Variants in HNRNPH1 observed in about 807,000 individuals in gnomAD.
HNRNPH1 encodes heterogeneous nuclear ribonucleoprotein H1.
HNRNPH1 carries 4 observed loss-of-function variants against 58.6 expected under a neutral mutation model. The observed-to-expected ratio is 0.07, with a 90% confidence interval of 0.03 to 0.16. The LOEUF (loss-of-function observed/expected upper bound fraction) is 0.16. Among genes scored for constraint, HNRNPH1 ranks in the 10% least tolerant of loss-of-function variants. The probability of loss-of-function intolerance (pLI) is 1.00; values close to 1 mark genes in which losing one functional copy is unlikely to be tolerated. For missense variants in HNRNPH1, 271 were observed against 564.2 expected, an observed-to-expected ratio of 0.48 and a Z score of 5.26; for synonymous variants, 192 against 189.2, an observed-to-expected ratio of 1.01 and a Z score of -0.12.
At chr5:179,619,470 G>A in intron 3 of HNRNPH1, 63 bp from the exon 5 acceptor site, 1 of 1,478,912 alleles carries the variant, frequency 6.8e-7, no homozygotes, top group South Asian at 1.2e-5. Flanking sequence ...GCCCAGAAAT[G>A]ATTCTTCTTA....
At chr5:179,628,181 C>T, upstream of HNRNPH1, among the ~76,000 whole-genome samples, 1 of 152,084 alleles carries the variant, frequency 6.6e-6, no homozygotes, top group Non-Finnish European at 1.5e-5. Context: ...ATGTCAAAGC[C>T]ATGGATATGT....
At chr5:179,631,212 T>C (rs562838456) in intron 2 of HNRNPH1, among the ~76,000 whole-genome samples, 1 of 152,172 alleles carries the variant, frequency 6.6e-6, no homozygotes, top group African/African-American at 2.4e-5. Flanking sequence ...TGAAAAGATA[T>C]ACGTTACGGT....
exon 8 of HNRNPH1, chr5:179,617,542 T>C: frequency 6.2e-7 from 1 of 1,614,062 alleles, no homozygotes; most frequent in Non-Finnish European, 8.5e-7. Context: ...TTGACATAGC[T>C]GCCACAGCAT....
intron 1 of HNRNPH1, 32 bp downstream of exon 2, chr5:179,622,999 CCTCGAA>C (rs767987530): frequency 1.0e-6 from 1 of 969,504 alleles, no homozygotes; most frequent in Non-Finnish European, 1.4e-6. Flanking sequence ...CCCGCCCCGG[CCTCGAA>C]CTCGAACTCC....
At position 179,617,826 on chromosome 5, in the gene HNRNPH1, G is replaced by A. The variant is rs1770530692; in HGVS notation, c.894C>T (p.Tyr298=). 3.7e-6 allele frequency: 6 copies of A among 1,613,854 alleles called. No individual in the cohort carries two copies. The South Asian group carries it at 6.6e-5, about 18-fold the overall frequency. ...TATAAATGTCATTCTCAGTAGCTCT[G>A]TAAGGTAATCCCCGCATGTGTACAC... Residue 298 remains tyrosine, a synonymous_variant, in exon 7 of 13, where the codon TAC becomes TAT. Coordinates refer to ENST00000356731, the Ensembl canonical transcript of HNRNPH1.
In HNRNPH1 at chr5:179,618,087, A is replaced by T; in HGVS notation, c.716-27T>A. On this transcript the variant is annotated intron_variant, in intron 5 of 12. Coordinates refer to ENST00000356731, the Ensembl canonical transcript of HNRNPH1. ...TGAAAGACAAAGTACAATCAATCAA[A>T]TAAAACACCTAGACAAAGGAACAGA... 1.9e-6 allele frequency: 3 copies of T among 1,613,712 alleles called. No homozygotes were observed. In the East Asian group the frequency reaches 6.7e-5, roughly 36 times the overall value.
Position 179,619,121 on chromosome 5 carries a change from G to A in HNRNPH1, c.536+148C>T, listed in dbSNP as rs538934281. ...ACCTAAAATTTAGTTTGCGTGTAAC[G>A]TGGGACTGACACAAGTTTGGAAATC... On this transcript the variant is annotated intron_variant, in intron 4 of 12. Transcript: ENST00000356731. 6.9e-5 allele frequency: 47 copies of A among 680,150 alleles called. 1 individual carries two copies. Among genetic ancestry groups the A allele is most frequent in the South Asian group, 6.9e-4 (26 of 37,802 alleles). The allele number at this position is 680,150 out of a possible 1,614,324, so 42.1% of individuals were successfully genotyped here.
intron 4 of HNRNPH1, 22 bp from the exon 6 acceptor site, chr5:179,618,345 A>AG: frequency 1.3e-6 from 2 of 1,526,210 alleles, no homozygotes; most frequent in Non-Finnish European, 1.8e-6. Context: ...TTCATAAGGA[A>AG]GGGGTAGGGA....
chr5:179,619,687 G>A (rs1183935403), intron 3 of HNRNPH1: 5 of 231,392 alleles, frequency 2.2e-5, no homozygotes, highest in Non-Finnish European at 4.2e-5. Flanking sequence ...ACATATCTAT[G>A]CAACTTAATG....
chr5:179,620,820 T>C, intron 3 of HNRNPH1, 72 bp downstream of exon 4: 1 of 1,401,636 alleles, frequency 7.1e-7, no homozygotes, highest in Non-Finnish European at 1.0e-6. Context: ...CTACTCAACT[T>C]TAACGTCTAT....
rs368058238 is a variant in HNRNPH1 at position 179,619,520 on chromosome 5, G to A, written c.398-113C>T. On this transcript the variant is annotated intron_variant, in intron 3 of 12. Transcript: ENST00000356731. The stretch of plus-strand genomic sequence containing the variant: ...CCAGAATTTTTAACTTTAGGTGAAT[G>A]GTATGCTTTCAACAAGTACTCTTTA... 4.6e-5 allele frequency: 39 copies of A among 856,220 alleles called. No individual in the cohort carries two copies. The East Asian group carries it at 5.3e-4, about 12-fold the overall frequency. The allele number at this position is 856,220 out of a possible 1,614,324, so 53.0% of individuals were successfully genotyped here.
chr5:179,628,810 CA>C (rs1308003646), upstream of HNRNPH1, among the ~76,000 whole-genome samples: 1 of 151,678 alleles, frequency 6.6e-6, no homozygotes, highest in Non-Finnish European at 1.5e-5. Context: ...TGGCAAAGAT[CA>C]AGTGTAGGAA....
Position 179,616,107 on chromosome 5 carries a change from A to C in HNRNPH1, c.1300+19T>G. ...CTTTACCATAACTTACTCTAAGTAC[A>C]GTAACAAACAGGCTTTACCGTATCC... On this transcript the variant is annotated intron_variant, in intron 11 of 12. Coordinates refer to ENST00000356731, the Ensembl canonical transcript of HNRNPH1. 6.3e-7 allele frequency: 1 copy of C among 1,582,592 alleles called. No homozygotes were observed. The highest frequency in any genetic ancestry group is 8.7e-7 in the Non-Finnish European group (1 of 1,151,158).
upstream of HNRNPH1, among the ~76,000 whole-genome samples, chr5:179,626,442 C>T (rs965593310): frequency 2.0e-5 from 3 of 150,446 alleles, no homozygotes; most frequent in South Asian, 2.2e-4. Flanking sequence ...CATCAGCCCA[C>T]GCGTGGGGCT....
At chr5:179,614,783 A>AG (rs1491338897) in exon 13 of HNRNPH1, 96 of 744,680 alleles carry the variant, frequency 1.3e-4, no homozygotes, top group South Asian at 1.2e-3. Flanking sequence ...GTTTTCTTAA[A>AG]GAAAAAAAAA....
In HNRNPH1 at chr5:179,618,386, A is replaced by T. The variant is rs182942730; in HGVS notation, c.537-63T>A. 3.0e-5 allele frequency: 34 copies of T among 1,142,394 alleles called. No individual in the cohort carries two copies. In the Admixed American group the frequency reaches 5.3e-4, roughly 18 times the overall value. The allele number at this position is 1,142,394 out of a possible 1,614,324, so 70.8% of individuals were successfully genotyped here. On this transcript the variant is annotated intron_variant, in intron 4 of 12. Coordinates refer to ENST00000356731, the Ensembl canonical transcript of HNRNPH1. ...GAGAAAACATTAGTTCATTTTATAC[A>T]GGTATTTAGTTATACAAGAAAACAA...
At chr5:179,624,404 C>G in exon 1 of HNRNPH1, 1 of 397,344 alleles carries the variant, frequency 2.5e-6, no homozygotes, top group Non-Finnish European at 4.4e-6. Context: ...CTAACGAATT[C>G]GCACCCTGTG....
upstream of HNRNPH1, among the ~76,000 whole-genome samples, chr5:179,625,157 A>C (rs1232112279): frequency 3.9e-5 from 6 of 152,190 alleles, no homozygotes; most frequent in East Asian, 1.2e-3. Flanking sequence ...CTAGAAGCAC[A>C]CACCTGTGGT....
chr5:179,622,397 T>C (rs1362839971), intron 1 of HNRNPH1, among the ~76,000 whole-genome samples: 3 of 152,188 alleles, frequency 2.0e-5, no homozygotes, highest in Non-Finnish European at 4.4e-5. Context: ...ATCCCACCTA[T>C]GCCAATTTAT....
Sources: allele counts gnomAD v4.1 joint callset (sites outside exome capture counted in the v4.1 genomes callset), GRCh38; gene constraint gnomAD v4.1.1; transcripts MANE v1.5; gene names NCBI Gene and HGNC (gene_info 2026-07-23, HGNC 2026-07-21).